FBP2: variants seen among roughly 807,000 people sequenced by gnomAD.
FBP2 encodes the protein fructose-1,6-bisphosphatase isozyme 2.
In FBP2, 27 loss-of-function variants were observed where a neutral mutation model predicts 31.6. The observed-to-expected ratio is 0.85, with a 90% confidence interval of 0.63 to 1.18. FBP2 has a LOEUF of 1.18. FBP2 is among the 50% of genes most tolerant of loss of function. FBP2 has a pLI of 0.00. For synonymous variants in FBP2, 168 were observed against 179.8 expected, an observed-to-expected ratio of 0.93 and a Z score of 0.53; for missense variants, 421 against 436.1, an observed-to-expected ratio of 0.97 and a Z score of 0.31.
rs534702880 is a variant in FBP2 at position 94,575,352 on chromosome 9, G to A, written c.427-3750C>T. Among the ~76,000 whole-genome samples the A allele has an allele frequency of 2.5e-4, 38 of 152,120 alleles. 1 individual carries two copies. In the Middle Eastern group the frequency reaches 0.014, roughly 54 times the overall value. ...TTATCACCAAATCTAACTTTATCTG[G>A]TTTGGAACATCATCTAAATGAAATG... On this transcript the variant is annotated intron_variant, in intron 3 of 6. Coordinates refer to ENST00000375337, the MANE Select transcript of FBP2 (RefSeq NM_003837.4).
intron 1 of FBP2, 149 bp downstream of exon 1, chr9:94,593,408 C>T (rs1433053266): frequency 1.5e-6 from 1 of 654,776 alleles, no homozygotes. Flanking sequence ...TCAAAGCACA[C>T]ATGATAGGAA....
At position 94,559,054 on chromosome 9, in the gene FBP2, G is replaced by C. The variant is rs1298549480; in HGVS notation, c.904C>G (p.Pro302Ala). The C allele has an allele frequency of 6.2e-7, 1 of 1,614,130 alleles. No homozygotes were observed. The highest frequency in any genetic ancestry group is 8.5e-7 in the Non-Finnish European group (1 of 1,180,008). Residue 302 changes from proline to alanine, a missense_variant, in exon 7 of 7, where the codon CCT becomes GCT. Physicochemically the swap from Pro to Ala is conservative, Grantham distance 27. Coordinates refer to ENST00000375337, the MANE Select transcript of FBP2 (RefSeq NM_003837.4). ...GCCTCGGGCTTCACGTCCAGTACAG[G>C]CTGGGTCCCCGTGGTCGCCAAGCCT... ...AGGLATTGTQPVLDVKPEAIH... is the reference protein window; with the variant it reads ...AGGLATTGTQAVLDVKPEAIH...
intron 3 of FBP2, among the ~76,000 whole-genome samples, chr9:94,580,388 T>G (rs1827362800): frequency 6.6e-6 from 1 of 152,166 alleles, no homozygotes. Context: ...AGCTAATTTT[T>G]GTATTTTTAG....
chr9:94,582,907 T>C (rs1827388662), intron 3 of FBP2, among the ~76,000 whole-genome samples: 1 of 139,436 alleles, frequency 7.2e-6, no homozygotes, highest in African/African-American at 2.8e-5. Context: ...CAGGCTGGAG[T>C]GCAATGGCGC....
chr9:94,582,547 A>ATTTT (rs35999121), intron 3 of FBP2, among the ~76,000 whole-genome samples: 2 of 132,234 alleles, frequency 1.5e-5, no homozygotes, highest in African/African-American at 2.9e-5. Flanking sequence ...CTCTTGGCTA[A>ATTTT]TTTTTTTTTT....
intron 3 of FBP2, among the ~76,000 whole-genome samples, chr9:94,581,747 G>A (rs1394434432): frequency 6.6e-6 from 1 of 152,202 alleles, no homozygotes; most frequent in Non-Finnish European, 1.5e-5. Context: ...TTGGCCGAAG[G>A]AAATCCCCAG....
intron 6 of FBP2, among the ~76,000 whole-genome samples, chr9:94,561,607 C>G (rs1349141221): frequency 1.3e-5 from 2 of 152,036 alleles, no homozygotes; most frequent in South Asian, 4.1e-4. Flanking sequence ...CCTCGTGATC[C>G]ACCCGCCTTG....
chr9:94,585,042 G>A (rs529176609), intron 2 of FBP2, among the ~76,000 whole-genome samples: 3 of 152,070 alleles, frequency 2.0e-5, no homozygotes, highest in African/African-American at 4.8e-5. Flanking sequence ...TAGTGATGGC[G>A]ACCGGAACCC....
At position 94,571,579 on chromosome 9, in the gene FBP2, T is replaced by A; in HGVS notation, c.450A>T (p.Glu150Asp). The part of the protein sequence containing the change: ...YRKTSEDEPS[E>D]KDALQCGRNI... Reference sequence around the variant, plus strand: ...TGCGGCCACACTGCAGGGCATCCTTTTCAGAAGGCTCATCCTCTGAGGTCT... The same window carrying A: ...TGCGGCCACACTGCAGGGCATCCTTATCAGAAGGCTCATCCTCTGAGGTCT... Residue 150 changes from glutamate (E) to aspartate (D), a missense_variant, in exon 4 of 7, where the codon GAA (glutamate) becomes GAT (aspartate). Glu to Asp is a conservative substitution (Grantham distance 45). Coordinates refer to ENST00000375337, the MANE Select transcript of FBP2 (RefSeq NM_003837.4). 1 of 1,613,574 alleles carries A rather than the reference T, an allele frequency of 6.2e-7. No homozygotes were observed. The highest frequency in any genetic ancestry group is 8.5e-7 in the Non-Finnish European group (1 of 1,179,678).
At chr9:94,571,400 G>C in intron 4 of FBP2, 62 bp downstream of exon 4, 2 of 1,462,508 alleles carry the variant, frequency 1.4e-6, no homozygotes, top group South Asian at 2.8e-5. Context: ...CAGAGAACTG[G>C]CATTAAGGCA....
intron 3 of FBP2, among the ~76,000 whole-genome samples, chr9:94,583,239 A>G (rs1054045209): frequency 1.3e-5 from 2 of 152,200 alleles, no homozygotes; most frequent in African/African-American, 2.4e-5. Flanking sequence ...ATGAAGTATA[A>G]GTAAAACTAA....
intron 3 of FBP2, among the ~76,000 whole-genome samples, chr9:94,581,986 G>T (rs1046992490): frequency 6.6e-6 from 1 of 152,200 alleles, no homozygotes; most frequent in Non-Finnish European, 1.5e-5. Context: ...AACTGCCATA[G>T]GTTTTTCTTT....
chr9:94,565,648 C>G (rs1298007178), intron 5 of FBP2, among the ~76,000 whole-genome samples: 1 of 151,404 alleles, frequency 6.6e-6, no homozygotes, highest in Non-Finnish European at 1.5e-5. Context: ...CTTGACATAA[C>G]AGAGACAGGT....
chr9:94,578,448 AAT>A (rs554446262), intron 3 of FBP2, among the ~76,000 whole-genome samples: 52 of 152,308 alleles, frequency 3.4e-4, no homozygotes, highest in African/African-American at 1.2e-3. Flanking sequence ...ACATAAATGA[AAT>A]ATGTTTTTTA....
At chr9:94,584,524 C>T in intron 3 of FBP2, 53 bp downstream of exon 3, 2 of 1,192,632 alleles carry the variant, frequency 1.7e-6, no homozygotes, top group South Asian at 2.5e-5. Flanking sequence ...GCCCAGGAAC[C>T]TTCCAGAGAC....
At chr9:94,561,574 C>T (rs1827104100) in intron 6 of FBP2, among the ~76,000 whole-genome samples, 1 of 151,954 alleles carries the variant, frequency 6.6e-6, no homozygotes, top group African/African-American at 2.4e-5. Flanking sequence ...ACTGTGTTAG[C>T]CAGGATGGTC....
intron 6 of FBP2, among the ~76,000 whole-genome samples, chr9:94,562,487 C>T (rs1171807712): frequency 6.6e-6 from 1 of 152,048 alleles, no homozygotes; most frequent in Non-Finnish European, 1.5e-5. Context: ...ACACCTGATA[C>T]ACCAACCTAT....
intron 3 of FBP2, among the ~76,000 whole-genome samples, chr9:94,578,431 T>G (rs1317588266): frequency 6.6e-6 from 1 of 152,190 alleles, no homozygotes; most frequent in Non-Finnish European, 1.5e-5. Flanking sequence ...ATTAAAAAAT[T>G]AAATACACAT....
chr9:94,575,555 G>A (rs1048430945), intron 3 of FBP2, among the ~76,000 whole-genome samples: 1 of 152,112 alleles, frequency 6.6e-6, no homozygotes, highest in African/African-American at 2.4e-5. Flanking sequence ...GATTTTTCTG[G>A]TTTGGGGCTA....
Sources: gnomAD v4.1 joint callset for allele counts (sites outside exome capture counted in the v4.1 genomes callset) on GRCh38, gnomAD v4.1.1 for gene constraint, MANE v1.5 for transcripts, NCBI Gene and HGNC (gene_info 2026-07-23, HGNC 2026-07-21) for gene names.